WASHC4: variants seen among roughly 807,000 people sequenced by gnomAD.
WASHC4 encodes the protein WASH complex subunit 7.
Under a neutral mutation model 166.6 loss-of-function variants are expected in WASHC4, and 86 were observed. That is an observed-to-expected ratio of 0.52 (90% CI 0.43 to 0.62). WASHC4 has a LOEUF of 0.62. Among genes scored for constraint, WASHC4 ranks in the 20% least tolerant of loss-of-function variants. The pLI is 0.00. For missense variants in WASHC4, 1,262 were observed against 1,382.4 expected, an observed-to-expected ratio of 0.91 and a Z score of 1.38; for synonymous variants, 446 against 451.6, an observed-to-expected ratio of 0.99 and a Z score of 0.16.
chr12:105,116,595 C>T (rs1880205471), intron 6 of WASHC4, among the ~76,000 whole-genome samples: 4 of 152,104 alleles, frequency 2.6e-5, no homozygotes, highest in Admixed American at 2.6e-4. Context: ...GGCATTCATG[C>T]TGAGTAGATT....
chr12:105,120,956 G>A, intron 8 of WASHC4, 145 bp from the exon 9 acceptor site: 1 of 675,588 alleles, frequency 1.5e-6, no homozygotes, highest in Non-Finnish European at 2.7e-6. Context: ...CCTTTCTGAG[G>A]ATCCAACCTG....
chr12:105,144,692 C>T, intron 21 of WASHC4, 26 bp from the exon 22 acceptor site: 1 of 1,592,208 alleles, frequency 6.3e-7, no homozygotes, highest in Middle Eastern at 1.7e-4. Flanking sequence ...TACTGTTTCA[C>T]AAGTTGAATT....
At chr12:105,166,805 T>C in intron 32 of WASHC4, 59 bp from the exon 33 acceptor site, 1 of 1,208,512 alleles carries the variant, frequency 8.3e-7, no homozygotes, top group South Asian at 1.2e-5. Context: ...TTTTACTTCT[T>C]AATTTATTGT....
chr12:105,139,157 G>A (rs1305285009), intron 15 of WASHC4, among the ~76,000 whole-genome samples: 1 of 151,614 alleles, frequency 6.6e-6, no homozygotes, highest in African/African-American at 2.4e-5. Context: ...TTTTTACTCA[G>A]CATTTTGTAT....
At chr12:105,121,742 A>G (rs1029858142) in intron 9 of WASHC4, among the ~76,000 whole-genome samples, 15 of 152,014 alleles carry the variant, frequency 9.9e-5, no homozygotes, top group African/African-American at 3.6e-4. Context: ...TCTTGACCTC[A>G]TGATCCGCCC....
chr12:105,140,519 C>T, intron 16 of WASHC4, 118 bp downstream of exon 16: 1 of 776,448 alleles, frequency 1.3e-6, no homozygotes, highest in Non-Finnish European at 2.2e-6. Context: ...ACATAATATG[C>T]TCGGTTATTT....
At position 105,140,522 on chromosome 12, in the gene WASHC4, G is replaced by T. The variant is rs947005169; in HGVS notation, c.1560+121G>T. ...CCATTCCTTCAAACATAATATGCTCGGTTATTTATCTCCATAGTATTTTAC... is the reference window on the plus strand; with the variant it reads ...CCATTCCTTCAAACATAATATGCTCTGTTATTTATCTCCATAGTATTTTAC... On this transcript the variant is annotated intron_variant, in intron 16 of 32. Transcript: ENST00000332180. 8 of 758,632 alleles carry T rather than the reference G, an allele frequency of 1.1e-5. No individual in the cohort carries two copies. In the Admixed American group the frequency reaches 1.4e-4, roughly 14 times the overall value. 47.0% of individuals were successfully genotyped at this position (758,632 alleles called of 1,614,324 possible).
At chr12:105,149,401 A>C in intron 24 of WASHC4, 2 of 1,073,064 alleles carry the variant, frequency 1.9e-6, no homozygotes, top group Non-Finnish European at 2.3e-6. Context: ...TTTTTTAGTA[A>C]AAATATGTAA....
intron 4 of WASHC4, 35 bp downstream of exon 4, chr12:105,114,462 A>G: frequency 7.4e-7 from 1 of 1,351,612 alleles, no homozygotes; most frequent in Non-Finnish European, 1.0e-6. Context: ...AAACTTTAAA[A>G]ACATCATTTA....
At chr12:105,119,560 CAGTT>C (rs1880523597) in intron 7 of WASHC4, among the ~76,000 whole-genome samples, 1 of 152,162 alleles carries the variant, frequency 6.6e-6, no homozygotes, top group South Asian at 2.1e-4. Context: ...TTTTCCCCCT[CAGTT>C]AGGTATTTAT....
intron 29 of WASHC4, 45 bp downstream of exon 29, chr12:105,160,193 G>A (rs749107119): frequency 1.3e-6 from 2 of 1,504,856 alleles, no homozygotes; most frequent in African/African-American, 1.4e-5. Flanking sequence ...TTTAAAAAGA[G>A]TATGCACAAA....
At chr12:105,126,817 A>G (rs1446726580) in intron 12 of WASHC4, among the ~76,000 whole-genome samples, 3 of 152,066 alleles carry the variant, frequency 2.0e-5, no homozygotes, top group Non-Finnish European at 2.9e-5. Flanking sequence ...CTTAAATAGA[A>G]TGAAACTAAA....
rs1592889012 is a variant in WASHC4, at chr12:105,140,408, A to T, written c.1560+7A>T. On this transcript the variant is annotated splice_region_variant and intron_variant, in intron 16 of 32. Coordinates refer to ENST00000332180, the MANE Select transcript of WASHC4 (RefSeq NM_015275.3). ...TTCTATTTCTGTGGCCAAGGTATGC[A>T]GCTTATTATGTATTTAGCATAAGTA... 6.4e-7 allele frequency: 1 copy of T among 1,560,898 alleles called. No homozygotes were observed. The highest frequency in any genetic ancestry group is 1.7e-5 in the Admixed American group (1 of 59,956).
At chr12:105,132,914 G>T (rs942831116) in intron 13 of WASHC4, among the ~76,000 whole-genome samples, 1 of 151,782 alleles carries the variant, frequency 6.6e-6, no homozygotes, top group African/African-American at 2.4e-5. Flanking sequence ...CACTTCCACT[G>T]TTCCTATTCT....
At chr12:105,135,452 C>A (rs996226929) in intron 14 of WASHC4, among the ~76,000 whole-genome samples, 1 of 149,998 alleles carries the variant, frequency 6.7e-6, no homozygotes. Context: ...CTTCTGGCTT[C>A]CTTTGTTTTT....
chr12:105,142,935 A>AT (rs986472449), intron 19 of WASHC4, among the ~76,000 whole-genome samples, 192 bp from the exon 20 acceptor site: 47 of 151,932 alleles, frequency 3.1e-4, no homozygotes, highest in African/African-American at 8.7e-4. Context: ...AGCGAATGTG[A>AT]TTTTTTTTGG....
At position 105,144,247 on chromosome 12, in the gene WASHC4, T is replaced by G. The variant is rs752134910; in HGVS notation, c.2011-40T>G. The G allele has an allele frequency of 1.9e-6, 3 of 1,538,918 alleles. No homozygotes were observed. The South Asian group carries it at 3.4e-5, about 17-fold the overall frequency. ...GTAGGGAAACAATACAATTGCAATA[T>G]CATTTTGAAAAATTAAAGTATCAAA... On this transcript the variant is annotated intron_variant, in intron 20 of 32. Coordinates refer to ENST00000332180, the MANE Select transcript of WASHC4 (RefSeq NM_015275.3).
At chr12:105,124,604 C>T (rs1196828) in intron 10 of WASHC4, among the ~76,000 whole-genome samples, 76,446 of 151,730 alleles carry the variant, frequency 0.5, 19,377 homozygotes, top group Middle Eastern at 0.69. Flanking sequence ...CCTCAGCCTC[C>T]CGAGTAGCTG....
At chr12:105,111,008 AG>A in intron 1 of WASHC4, 116 bp from the exon 2 acceptor site, 1 of 744,550 alleles carries the variant, frequency 1.3e-6, no homozygotes, top group Non-Finnish European at 2.3e-6. Flanking sequence ...CAGGAAGTCC[AG>A]ACATTCCAGA....
Sources: gnomAD v4.1 joint callset for allele counts (sites outside exome capture counted in the v4.1 genomes callset) on GRCh38, gnomAD v4.1.1 for gene constraint, MANE v1.5 for transcripts, NCBI Gene and HGNC (gene_info 2026-07-23, HGNC 2026-07-21) for gene names.